LOXHD1: variants seen among roughly 807,000 people sequenced by gnomAD.
The protein encoded by LOXHD1 is lipoxygenase homology domain-containing protein 1.
In LOXHD1, 205 loss-of-function variants were observed where a neutral mutation model predicts 248.2. The ratio of observed to expected loss-of-function variants is 0.83; its 90% CI spans 0.74 to 0.93. LOXHD1 has a LOEUF of 0.93. Among genes scored for constraint, LOXHD1 ranks in the 40% least tolerant of loss-of-function variants. The probability of loss-of-function intolerance (pLI) is 0.00; values close to 1 mark genes in which losing one functional copy is unlikely to be tolerated. For synonymous variants in LOXHD1, 1,113 were observed against 1,162.8 expected (o/e 0.96, Z 0.87); for missense variants, 2,930 against 2,971.6 (o/e 0.99, Z 0.33).
intron 4 of LOXHD1, among the ~76,000 whole-genome samples, chr18:46,635,502 A>T (rs1450996734): frequency 6.6e-6 from 1 of 152,092 alleles, no homozygotes; most frequent in Non-Finnish European, 1.5e-5. Flanking sequence ...CCTTGGATGG[A>T]TCCCCACATC....
At chr18:46,514,529 G>C (rs532269208) in intron 34 of LOXHD1, among the ~76,000 whole-genome samples, 2 of 152,302 alleles carry the variant, frequency 1.3e-5, no homozygotes, top group South Asian at 4.1e-4. Flanking sequence ...ATGTGGAAGA[G>C]AGAGTCAAAA....
At chr18:46,509,983 G>A (rs537304129) in intron 34 of LOXHD1, among the ~76,000 whole-genome samples, 168 bp from the exon 35 acceptor site, 8 of 152,304 alleles carry the variant, frequency 5.3e-5, no homozygotes, top group Non-Finnish European at 1.0e-4. Context: ...CATCCCAGAT[G>A]TGTTCCTGAA....
In LOXHD1 at chr18:46,563,147, T is replaced by C; in HGVS notation, c.2516A>G (p.Tyr839Cys). The C allele has an allele frequency of 6.5e-7, 1 of 1,544,082 alleles. No homozygotes were observed. The highest frequency in any genetic ancestry group is 8.8e-7 in the Non-Finnish European group (1 of 1,140,502). Reference sequence around the variant, plus strand: ...CACTTCTGTCTTGCCTTTCTCTCCATAGATCTGCATGTAGACTCGGGCACT... The same window carrying C: ...CACTTCTGTCTTGCCTTTCTCTCCACAGATCTGCATGTAGACTCGGGCACT... ...GTSARVYMQI[Y>C]GEKGKTEVLF... Residue 839 changes from tyrosine to cysteine, a missense_variant, in exon 18 of 41, where the codon TAT becomes TGT. Physicochemically the swap from Tyr to Cys is radical, Grantham distance 194 (BLOSUM62 -2). Transcript: ENST00000642948.
At chr18:46,482,114 C>T (rs1226713146) in intron 40 of LOXHD1, among the ~76,000 whole-genome samples, 2 of 152,192 alleles carry the variant, frequency 1.3e-5, no homozygotes, top group African/African-American at 4.8e-5. Flanking sequence ...CTGGTCCTAG[C>T]AGCCACATAG....
intron 12 of LOXHD1, among the ~76,000 whole-genome samples, chr18:46,582,069 A>T (rs1003698816): frequency 3.3e-5 from 5 of 152,246 alleles, no homozygotes; most frequent in Admixed American, 1.3e-4. Context: ...TTAAACAGTA[A>T]CTTGAAATCA....
chr18:46,606,737 T>C (rs1284815194), intron 6 of LOXHD1, among the ~76,000 whole-genome samples: 6 of 152,200 alleles, frequency 3.9e-5, no homozygotes, highest in Admixed American at 3.9e-4. Flanking sequence ...ATATACATTT[T>C]ATATATTACA....
At chr18:46,593,783 C>T (rs746264767) in intron 9 of LOXHD1, 23 bp from the exon 10 acceptor site, 1 of 1,550,554 alleles carries the variant, frequency 6.4e-7, no homozygotes, top group South Asian at 1.2e-5. Flanking sequence ...TCAAGTTGCA[C>T]CATAAACTTC....
chr18:46,578,868 T>A (rs1278294098), intron 13 of LOXHD1, among the ~76,000 whole-genome samples: 4 of 152,164 alleles, frequency 2.6e-5, no homozygotes, highest in African/African-American at 9.7e-5. Context: ...CTTTCCCCAT[T>A]TCAGGCATGA....
Position 46,505,776 on chromosome 18 carries a change from A to G in LOXHD1, c.5878+62T>C, listed in dbSNP as rs1205215758. 9 of 1,525,090 alleles carry G rather than the reference A, an allele frequency of 5.9e-6. No individual in the cohort carries two copies. In the East Asian group the frequency reaches 2.2e-4, roughly 37 times the overall value. The allele number at this position is 1,525,090 out of a possible 1,614,324, so 94.5% of individuals were successfully genotyped here. A position where few individuals can be genotyped will look rare whatever the true frequency, so the allele number is the denominator to read the frequency against. ...GTCAATGTGCTGCCAGGGAGGGAAT[A>G]ATGGCTCAGGAAGGGAGCTGAGGGC... is the stretch of plus-strand genomic sequence containing the variant. On this transcript the variant is annotated intron_variant, in intron 37 of 40. Transcript: ENST00000642948.
intron 34 of LOXHD1, 25 bp downstream of exon 34, chr18:46,518,103 GA>G (rs1388325421): frequency 1.3e-6 from 2 of 1,550,626 alleles, no homozygotes; most frequent in East Asian, 2.4e-5. Context: ...TGGGAGGGGT[GA>G]GGGGCAGGGG....
intron 3 of LOXHD1, 90 bp from the exon 4 acceptor site, chr18:46,639,890 A>G (rs1375200377): frequency 6.9e-7 from 1 of 1,442,932 alleles, no homozygotes; most frequent in East Asian, 2.5e-5. Context: ...TACTCCAAAG[A>G]GAGGTCCAAT....
At chr18:46,489,620 T>G (rs982443506) in intron 37 of LOXHD1, among the ~76,000 whole-genome samples, 1 of 152,186 alleles carries the variant, frequency 6.6e-6, no homozygotes, top group Non-Finnish European at 1.5e-5. Context: ...TGTCAGCTCC[T>G]CCAAGAAGCC....
intron 5 of LOXHD1, among the ~76,000 whole-genome samples, chr18:46,615,755 T>C (rs368398098): frequency 6.6e-6 from 1 of 152,228 alleles, no homozygotes; most frequent in Non-Finnish European, 1.5e-5. Flanking sequence ...TAAATTTGTA[T>C]GCATTTGGCC....
At position 46,557,425 on chromosome 18, in the gene LOXHD1, T is replaced by G. The variant is rs543098936; in HGVS notation, c.3281A>C (p.Asp1094Ala). ...GALTKIRIRH[D>A]NTGNRAGWFL... is the part of the protein sequence containing the mutation. ...CCAGCCTGCTCTGTTGCCTGTGTTG[T>G]CGTGGCGAATCCGAATCTTGGTCAG... is the stretch of plus-strand genomic sequence containing the variant. Residue 1094 changes from aspartate to alanine, a missense_variant, in exon 21 of 41, where the codon GAC (aspartate) becomes GCC (alanine). Coordinates refer to ENST00000642948, the MANE Select transcript of LOXHD1 (RefSeq NM_001384474.1). The G allele has an allele frequency of 2.9e-5, 45 of 1,552,122 alleles. No individual in the cohort carries two copies. Among genetic ancestry groups the G allele is most frequent in the Non-Finnish European group, 3.8e-5 (44 of 1,147,124 alleles).
chr18:46,560,048 T>TGCCGG, intron 19 of LOXHD1, 35 bp downstream of exon 19: 256 of 1,226,232 alleles, frequency 2.1e-4, no homozygotes, highest in Non-Finnish European at 2.5e-4. Context: ...GTCTGGCCAC[T>TGCCGG]CCCTCCCCAC....
intron 21 of LOXHD1, 44 bp downstream of exon 21, chr18:46,557,312 C>A: frequency 6.4e-7 from 1 of 1,551,236 alleles, no homozygotes; most frequent in South Asian, 1.2e-5. Flanking sequence ...GACATGGCCT[C>A]CCTCAGAGCA....
At chr18:46,533,381 G>A (rs2036162673) in intron 27 of LOXHD1, 57 bp from the exon 28 acceptor site, 1 of 1,536,354 alleles carries the variant, frequency 6.5e-7, no homozygotes, top group African/African-American at 1.4e-5. Context: ...GCCAACTTCA[G>A]GGATTCATCA....
chr18:46,625,001 G>C (rs558265787), intron 4 of LOXHD1, among the ~76,000 whole-genome samples: 1 of 152,110 alleles, frequency 6.6e-6, no homozygotes, highest in Non-Finnish European at 1.5e-5. Flanking sequence ...TCACAATGAT[G>C]GACCCTATGG....
intron 4 of LOXHD1, among the ~76,000 whole-genome samples, chr18:46,633,637 A>G (rs2038855397): frequency 6.6e-6 from 1 of 152,226 alleles, no homozygotes; most frequent in South Asian, 2.1e-4. Flanking sequence ...ATAAAAATTA[A>G]AACTTTTGGG....
Sources: gnomAD v4.1 joint callset for allele counts (sites outside exome capture counted in the v4.1 genomes callset) on GRCh38, gnomAD v4.1.1 for gene constraint, MANE v1.5 for transcripts, NCBI Gene and HGNC (gene_info 2026-07-23, HGNC 2026-07-21) for gene names.